EXOC6B: variants seen among roughly 807,000 people sequenced by gnomAD.
EXOC6B encodes the protein SEC15 homolog B.
Under a neutral mutation model 113.5 loss-of-function variants are expected in EXOC6B, and 54 were observed. That is an observed-to-expected ratio of 0.48 (90% CI 0.38 to 0.60). The LOEUF (loss-of-function observed/expected upper bound fraction) is 0.60, where lower values mean the gene tolerates loss of function less well. EXOC6B is among the 20% of genes least tolerant of loss of function. The pLI, the probability that EXOC6B is intolerant of heterozygous loss-of-function variation, is 0.00. For missense variants in EXOC6B, 797 were observed against 977.5 expected (o/e 0.82, Z 2.46); for synonymous variants, 357 against 339.0 (o/e 1.05, Z -0.58).
At chr2:72,547,728 G>A (rs1282523565) in intron 8 of EXOC6B, among the ~76,000 whole-genome samples, 1 of 152,020 alleles carries the variant, frequency 6.6e-6, no homozygotes, top group African/African-American at 2.4e-5. Context: ...TGAGGATTAG[G>A]GCCGACTGAA....
At position 72,210,224 on chromosome 2, in the gene EXOC6B, G is replaced by A. The variant is rs149403022; in HGVS notation, c.2197-26037C>T. ...TCTCTGATTTACTGTCATGCAAAAC[G>A]CTGTGAGGACTCTTAAGAAAGGAGA... is the stretch of plus-strand genomic sequence containing the variant. On this transcript the variant is annotated intron_variant, in intron 20 of 21. Transcript: ENST00000272427. Among the ~76,000 whole-genome samples, 18 of 152,214 alleles carry A rather than the reference G, an allele frequency of 1.2e-4. No individual in the cohort carries two copies. In the East Asian group the frequency reaches 2.5e-3, roughly 21 times the overall value.
chr2:72,445,095 T>TA (rs575250105), intron 18 of EXOC6B, among the ~76,000 whole-genome samples: 1,763 of 152,246 alleles, frequency 0.012, 55 homozygotes, highest in African/African-American at 0.04. Flanking sequence ...TGCTTTGCTT[T>TA]GAAATTTCTT....
chr2:72,512,340 G>A (rs1048176841), intron 11 of EXOC6B, among the ~76,000 whole-genome samples: 1 of 8,622 alleles, frequency 1.2e-4, no homozygotes, highest in African/African-American at 2.6e-4. Context: ...AGGAAGGAAG[G>A]AAGGAAGGAA....
intron 1 of EXOC6B, among the ~76,000 whole-genome samples, chr2:72,780,012 C>T (rs575976958): frequency 6.6e-6 from 1 of 152,210 alleles, no homozygotes; most frequent in East Asian, 1.9e-4. Context: ...ACCAACTTCA[C>T]CCTATGTTTT....
At chr2:72,562,330 T>G (rs13011477) in intron 7 of EXOC6B, among the ~76,000 whole-genome samples, 93,220 of 151,936 alleles carry the variant, frequency 0.61, 34,854 homozygotes, top group East Asian at 0.99. Flanking sequence ...GAAAATGTAG[T>G]TTTTCCCTAC....
At chr2:72,351,052 G>A (rs1239079471) in intron 19 of EXOC6B, among the ~76,000 whole-genome samples, 2 of 152,114 alleles carry the variant, frequency 1.3e-5, no homozygotes, top group Non-Finnish European at 2.9e-5. Context: ...TCCATTGACG[G>A]GCAGACAGCT....
chr2:72,216,891 G>GGAGGGGAACAGGCCCCT (rs1680570780), intron 20 of EXOC6B, among the ~76,000 whole-genome samples: 1 of 152,034 alleles, frequency 6.6e-6, no homozygotes, highest in African/African-American at 2.4e-5. Context: ...AAACACACCG[G>GGAGGGGAACAGGCCCCT]GGCCTGTTGG....
At chr2:72,766,520 C>CA (rs2104924036) in intron 1 of EXOC6B, among the ~76,000 whole-genome samples, 1 of 152,040 alleles carries the variant, frequency 6.6e-6, no homozygotes, top group Admixed American at 6.5e-5. Context: ...AGGAAAAGAA[C>CA]AAAACACATG....
rs144662007 is a variant in EXOC6B, at chr2:72,384,902, G to A, written c.1981-5032C>T. ...GAAAGACGTATCATGTTCATGAATT[G>A]AAGGAATTAATATTGTTAAAATGTC... On this transcript the variant is annotated intron_variant, in intron 18 of 21. Transcript: ENST00000272427. Among the ~76,000 whole-genome samples, 571 of 152,174 alleles carry A rather than the reference G, an allele frequency of 3.8e-3. 6 individuals are homozygous for A. The highest frequency in any genetic ancestry group is 0.013 in the African/African-American group (550 of 41,560).
chr2:72,227,410 TAA>T (rs2104452272), intron 20 of EXOC6B, among the ~76,000 whole-genome samples: 1 of 152,274 alleles, frequency 6.6e-6, no homozygotes, highest in Non-Finnish European at 1.5e-5. Context: ...ATAAAATTTC[TAA>T]ACTTGTACAT....
At chr2:72,197,658 C>A (rs1167468891) in intron 20 of EXOC6B, among the ~76,000 whole-genome samples, 1 of 151,872 alleles carries the variant, frequency 6.6e-6, no homozygotes, top group Non-Finnish European at 1.5e-5. Flanking sequence ...AACAGGATGA[C>A]AGAGGAATGG....
chr2:72,598,524 CA>C (rs1304898353), intron 6 of EXOC6B, among the ~76,000 whole-genome samples: 1 of 151,514 alleles, frequency 6.6e-6, no homozygotes, highest in Non-Finnish European at 1.5e-5. Context: ...CCTAAGCAAG[CA>C]AAAGAAAAGA....
chr2:72,530,426 T>C (rs554315530), intron 8 of EXOC6B, among the ~76,000 whole-genome samples: 1 of 152,320 alleles, frequency 6.6e-6, no homozygotes, highest in African/African-American at 2.4e-5. Flanking sequence ...TATCGTTGTG[T>C]TACTAATTTC....
chr2:72,800,989 C>T (rs72846949), intron 1 of EXOC6B, among the ~76,000 whole-genome samples: 7,230 of 152,152 alleles, frequency 0.048, 258 homozygotes, highest in Middle Eastern at 0.11. Context: ...TCAAAGCTTG[C>T]TAAAGAAACA....
intron 6 of EXOC6B, among the ~76,000 whole-genome samples, chr2:72,621,206 T>C (rs1462745239): frequency 6.6e-6 from 1 of 152,136 alleles, no homozygotes; most frequent in African/African-American, 2.4e-5. Flanking sequence ...ATGCACCCAT[T>C]ATGTTCATCC....
At chr2:72,723,394 G>C (rs954524024) in intron 5 of EXOC6B, among the ~76,000 whole-genome samples, 7 of 152,072 alleles carry the variant, frequency 4.6e-5, no homozygotes, top group Non-Finnish European at 1.0e-4. Flanking sequence ...CAGAATAACA[G>C]ACATGGTTGA....
chr2:72,482,761 C>G (rs1407308783), intron 16 of EXOC6B, among the ~76,000 whole-genome samples: 1 of 152,156 alleles, frequency 6.6e-6, no homozygotes, highest in Non-Finnish European at 1.5e-5. Context: ...CATGTCAACT[C>G]ATAAAGACAA....
intron 16 of EXOC6B, among the ~76,000 whole-genome samples, chr2:72,490,961 A>G (rs1330832235): frequency 1.3e-5 from 2 of 152,204 alleles, no homozygotes; most frequent in Non-Finnish European, 2.9e-5. Flanking sequence ...ACATAAAAAC[A>G]GTTACATGAA....
chr2:72,364,858 G>A (rs899951335), intron 19 of EXOC6B, among the ~76,000 whole-genome samples: 1 of 152,124 alleles, frequency 6.6e-6, no homozygotes, highest in African/African-American at 2.4e-5. Flanking sequence ...AGTGGTATTG[G>A]TTGATTGCCT....
Sources: gnomAD v4.1 joint callset for allele counts (sites outside exome capture counted in the v4.1 genomes callset) on GRCh38, gnomAD v4.1.1 for gene constraint, MANE v1.5 for transcripts, NCBI Gene and HGNC (gene_info 2026-07-23, HGNC 2026-07-21) for gene names.